Variants in CAMTA1 observed in about 807,000 individuals in gnomAD.
CAMTA1 encodes the protein calmodulin-binding transcription activator 1.
CAMTA1 carries 27 observed loss-of-function variants against 170.9 expected under a neutral mutation model. The ratio of observed to expected loss-of-function variants is 0.16; its 90% CI spans 0.12 to 0.22. The LOEUF (loss-of-function observed/expected upper bound fraction) is 0.22, where lower values mean the gene tolerates loss of function less well. Ranked by LOEUF, CAMTA1 falls within the 10% of genes least tolerant of loss-of-function variation. CAMTA1 has a pLI of 1.00. For synonymous variants in CAMTA1, 833 were observed against 891.5 expected, an observed-to-expected ratio of 0.93 and a Z score of 1.17; for missense variants, 1,619 against 2,217.2, an observed-to-expected ratio of 0.73 and a Z score of 5.42.
At chr1:7,317,260 T>C (rs2149661252) in intron 5 of CAMTA1, among the ~76,000 whole-genome samples, 1 of 152,332 alleles carries the variant, frequency 6.6e-6, no homozygotes, top group South Asian at 2.1e-4. Context: ...GACTCTGATC[T>C]TCCCCATCAC....
intron 3 of CAMTA1, among the ~76,000 whole-genome samples, chr1:6,898,812 A>T (rs1676220951): frequency 6.6e-6 from 1 of 152,188 alleles, no homozygotes. Flanking sequence ...TGATACCAAG[A>T]AGGACCTCCA....
intron 5 of CAMTA1, among the ~76,000 whole-genome samples, chr1:7,314,907 C>G (rs1170654588): frequency 1.3e-5 from 2 of 152,168 alleles, no homozygotes; most frequent in Non-Finnish European, 2.9e-5. Flanking sequence ...TCTTCCAAGT[C>G]CCAAAGAGAT....
chr1:6,881,888 A>C (rs1023669502), intron 3 of CAMTA1, among the ~76,000 whole-genome samples: 2 of 152,130 alleles, frequency 1.3e-5, no homozygotes, highest in African/African-American at 4.8e-5. Context: ...AATTGCTTGA[A>C]TCTGGGAGGC....
At chr1:7,222,485 T>C (rs1660968010) in intron 4 of CAMTA1, among the ~76,000 whole-genome samples, 1 of 152,198 alleles carries the variant, frequency 6.6e-6, no homozygotes, top group South Asian at 2.1e-4. Context: ...GAACGTGTCC[T>C]TGCCTCCCTC....
chr1:7,609,766 G>A lies in CAMTA1; in HGVS notation c.511-30634G>A, dbSNP rs1016394152. The stretch of plus-strand genomic sequence containing the variant: ...TTCTCTGAGCCTCTCTTTCCTGTCT[G>A]CAAAGCCAGGTGGGAACTGCCCTCC... On this transcript the variant is annotated intron_variant, in intron 6 of 22. Transcript: ENST00000303635. The surrounding 1 kb of genome is among the most constrained non-coding windows in gnomAD (Gnocchi z 4.4). Among the ~76,000 whole-genome samples, 1 of 152,206 alleles carries A rather than the reference G, an allele frequency of 6.6e-6. No homozygotes were observed. The highest frequency in any genetic ancestry group is 1.5e-5 in the Non-Finnish European group (1 of 68,034).
intron 17 of CAMTA1, among the ~76,000 whole-genome samples, chr1:7,745,442 C>T (rs1210429591): frequency 6.6e-6 from 1 of 152,150 alleles, no homozygotes; most frequent in Non-Finnish European, 1.5e-5. Context: ...AGGAGAATTG[C>T]TTGAACCCAA....
rs1463791408 is a variant in CAMTA1 at position 7,410,894 on chromosome 1, CGTCTGTGTGT to C, written c.439-56933_439-56924del. 6.5e-5 allele frequency among the ~76,000 whole-genome samples: 6 copies of C among 91,928 alleles called. No homozygotes were observed. The South Asian group carries it at 1.1e-3, about 17-fold the overall frequency. The allele number at this position is 91,928 out of a possible 152,430, so 60.3% of individuals were successfully genotyped here. On this transcript the variant is annotated intron_variant, in intron 5 of 22. Transcript: ENST00000303635. The stretch of plus-strand genomic sequence containing the variant: ...GTTCCCAACGTGCATGGAGGGTGGG[CGTCTGTGTGT>C]GTGTGTGTGTGTGTGTGTGTATGTC...
chr1:7,690,226 C>T (rs2096295752), intron 11 of CAMTA1, among the ~76,000 whole-genome samples: 2 of 152,212 alleles, frequency 1.3e-5, no homozygotes, highest in African/African-American at 4.8e-5. Flanking sequence ...GTTGTGGTTT[C>T]TTTGGCGAGG....
At chr1:7,198,566 G>A in intron 4 of CAMTA1, among the ~76,000 whole-genome samples, 1 of 151,966 alleles carries the variant, frequency 6.6e-6, no homozygotes, top group East Asian at 1.9e-4. Context: ...GACCTCTCTG[G>A]GTCTCATTTC....
intron 5 of CAMTA1, among the ~76,000 whole-genome samples, chr1:7,450,385 C>T (rs758181772): frequency 1.3e-5 from 2 of 152,194 alleles, no homozygotes; most frequent in Non-Finnish European, 1.5e-5. Flanking sequence ...GAAAGTGTGG[C>T]ATCAGGCAAA....
chr1:7,303,561 C>T (rs536075370), intron 5 of CAMTA1, among the ~76,000 whole-genome samples: 6 of 152,272 alleles, frequency 3.9e-5, no homozygotes, highest in African/African-American at 1.2e-4. Context: ...ATGATTACAT[C>T]GTTTCCATTG....
chr1:7,396,109 A>T (rs1254400788), intron 5 of CAMTA1, among the ~76,000 whole-genome samples: 2 of 152,210 alleles, frequency 1.3e-5, no homozygotes, highest in Non-Finnish European at 2.9e-5. Flanking sequence ...TGTTTGGGTC[A>T]TGCAGGCAGA....
chr1:7,758,287 C>T (rs1174921019), intron 22 of CAMTA1, among the ~76,000 whole-genome samples: 1 of 152,180 alleles, frequency 6.6e-6, no homozygotes, highest in Non-Finnish European at 1.5e-5. Flanking sequence ...AGAATCCCAA[C>T]CTCAATTTCT....
At chr1:7,328,367 C>A (rs554982173) in intron 5 of CAMTA1, among the ~76,000 whole-genome samples, 1 of 151,898 alleles carries the variant, frequency 6.6e-6, no homozygotes, top group Non-Finnish European at 1.5e-5. Flanking sequence ...AGTGGTTATG[C>A]TCCTGTAGTC....
At chr1:6,869,614 T>C (rs763167362) in intron 3 of CAMTA1, among the ~76,000 whole-genome samples, 16 of 152,324 alleles carry the variant, frequency 1.1e-4, no homozygotes, top group Middle Eastern at 3.4e-3. Flanking sequence ...TAGTAGCCTT[T>C]ACCTTCCCCT....
chr1:7,619,003 A>C (rs1349290065), intron 6 of CAMTA1, among the ~76,000 whole-genome samples: 1 of 152,200 alleles, frequency 6.6e-6, no homozygotes, highest in Non-Finnish European at 1.5e-5. Context: ...TTGCATCTCA[A>C]ACAGAAATTT....
intron 6 of CAMTA1, among the ~76,000 whole-genome samples, chr1:7,615,058 C>T (rs115903383): frequency 0.012 from 1,807 of 152,316 alleles, 23 homozygotes; most frequent in African/African-American, 0.04. Context: ...TTCACTCATT[C>T]GTTCATGTGT....
In CAMTA1 at chr1:7,677,586, C is replaced by G. The variant is rs770422645; in HGVS notation, c.2780-13C>G. Reference sequence around the variant, plus strand: ...ACCCATCCCTTGACCTGGTCTTTTTCTCTCGCTTTCAGCCCATGACACTGG... The same window carrying G: ...ACCCATCCCTTGACCTGGTCTTTTTGTCTCGCTTTCAGCCCATGACACTGG... On this transcript the variant is annotated splice_polypyrimidine_tract_variant and intron_variant, in intron 10 of 22. Transcript: ENST00000303635. 2 of 1,611,474 alleles carry G rather than the reference C, an allele frequency of 1.2e-6. No homozygotes were observed. The highest frequency in any genetic ancestry group is 1.1e-5 in the South Asian group (1 of 90,616).
intron 5 of CAMTA1, among the ~76,000 whole-genome samples, chr1:7,429,657 T>C (rs1027069187): frequency 2.8e-4 from 43 of 152,126 alleles, no homozygotes; most frequent in African/African-American, 1.0e-3. Flanking sequence ...ACAGTGCTGA[T>C]AATATGGATG....
Sources: gnomAD v4.1 joint callset for allele counts (sites outside exome capture counted in the v4.1 genomes callset) on GRCh38, gnomAD v4.1.1 for gene constraint, Gnocchi (gnomAD v3.1) non-coding constraint, MANE v1.5 for transcripts, NCBI Gene and HGNC (gene_info 2026-07-23, HGNC 2026-07-21) for gene names.